Variants in NRXN1 observed in about 807,000 individuals in gnomAD.
The protein encoded by NRXN1 is neurexin-1.
In NRXN1, 39 loss-of-function variants were observed where a neutral mutation model predicts 150.9. That is an observed-to-expected ratio of 0.26 (90% CI 0.20 to 0.34). NRXN1 has a LOEUF of 0.34. Among genes scored for constraint, NRXN1 ranks in the 10% least tolerant of loss-of-function variants. The pLI is 1.00. For missense variants in NRXN1, 1,815 were observed against 1,949.9 expected (o/e 0.93, Z 1.30); for synonymous variants, 924 against 757.0 (o/e 1.22, Z -3.62).
At chr2:50,432,539 C>T (rs1030517334) in intron 17 of NRXN1, among the ~76,000 whole-genome samples, 2 of 152,162 alleles carry the variant, frequency 1.3e-5, no homozygotes, top group African/African-American at 4.8e-5. Flanking sequence ...TAATCTGGTA[C>T]ACCCTACAAC....
chr2:50,207,698 A>G (rs938283167), intron 18 of NRXN1: 1 of 168,598 alleles, frequency 5.9e-6, no homozygotes, highest in Non-Finnish European at 1.5e-5. Context: ...TGATCATTGA[A>G]GAGTCTAAAC....
At chr2:50,736,111 C>T (rs1370816024) in intron 5 of NRXN1, among the ~76,000 whole-genome samples, 4 of 152,100 alleles carry the variant, frequency 2.6e-5, no homozygotes, top group African/African-American at 9.7e-5. Context: ...CACATTTCAA[C>T]CCCCCTGCTT....
intron 21 of NRXN1, among the ~76,000 whole-genome samples, chr2:49,999,807 T>C (rs1032444057): frequency 6.6e-6 from 1 of 152,160 alleles, no homozygotes; most frequent in Non-Finnish European, 1.5e-5. Context: ...TAAAACCTTA[T>C]TTCAAGAAAG....
chr2:50,790,875 C>T (rs1705843182), intron 5 of NRXN1, among the ~76,000 whole-genome samples: 1 of 152,072 alleles, frequency 6.6e-6, no homozygotes. Flanking sequence ...CAACTCATCA[C>T]ATTAGGTCAA....
At chr2:50,850,231 GA>G (rs539460509) in intron 5 of NRXN1, among the ~76,000 whole-genome samples, 1,094 of 72,800 alleles carry the variant, frequency 0.015, 5 homozygotes, top group Middle Eastern at 0.056. Context: ...TGTCTCGACA[GA>G]AAAAAAAAAA....
chr2:50,709,181 A>T (rs1268622339), intron 5 of NRXN1, among the ~76,000 whole-genome samples: 1 of 152,124 alleles, frequency 6.6e-6, no homozygotes, highest in Non-Finnish European at 1.5e-5. Context: ...TGAGCTTGGT[A>T]TTGGTGGATG....
chr2:50,379,412 TA>T (rs2080779929), intron 17 of NRXN1, among the ~76,000 whole-genome samples: 1 of 152,166 alleles, frequency 6.6e-6, no homozygotes, highest in African/African-American at 2.4e-5. Context: ...AGACAAACTC[TA>T]TTGTGTACAA....
At chr2:50,030,102 CTT>C (rs1027420744) in intron 21 of NRXN1, among the ~76,000 whole-genome samples, 2 of 152,054 alleles carry the variant, frequency 1.3e-5, no homozygotes, top group Admixed American at 6.6e-5. Flanking sequence ...AAGAGGGTCT[CTT>C]TGGTTGGAAG....
intron 18 of NRXN1, among the ~76,000 whole-genome samples, chr2:50,232,531 C>T (rs1396439909): frequency 2.6e-5 from 4 of 151,586 alleles, no homozygotes; most frequent in Non-Finnish European, 4.4e-5. Context: ...GGACTACAGG[C>T]ATGTGTCACC....
intron 21 of NRXN1, among the ~76,000 whole-genome samples, chr2:49,954,975 G>T (rs932584411): frequency 6.6e-6 from 1 of 152,090 alleles, no homozygotes. Context: ...AAGCATTTGC[G>T]TGAATAAAAG....
At chr2:50,076,153 T>G (rs1217556508) in intron 19 of NRXN1, among the ~76,000 whole-genome samples, 1 of 152,168 alleles carries the variant, frequency 6.6e-6, no homozygotes, top group Non-Finnish European at 1.5e-5. Context: ...GTGTTTTGCT[T>G]GGAGTGGGTT....
intron 2 of NRXN1, among the ~76,000 whole-genome samples, chr2:51,000,440 A>T (rs1699883192): frequency 6.6e-6 from 1 of 152,118 alleles, no homozygotes; most frequent in Non-Finnish European, 1.5e-5. Flanking sequence ...CTCAGCACCT[A>T]TAACAGTACT....
At chr2:50,549,215 T>C (rs1327347726) in intron 9 of NRXN1, among the ~76,000 whole-genome samples, 2 of 152,276 alleles carry the variant, frequency 1.3e-5, no homozygotes, top group South Asian at 4.1e-4. Context: ...TAAAAGCAAG[T>C]ATAGCCATTC....
At chr2:49,931,046 C>T (rs1192784525) in intron 22 of NRXN1, among the ~76,000 whole-genome samples, 1 of 152,154 alleles carries the variant, frequency 6.6e-6, no homozygotes, top group Non-Finnish European at 1.5e-5. Flanking sequence ...GTGGGAGGAC[C>T]ATTTGAGCCC....
chr2:50,449,372 A>G (rs149192906), intron 17 of NRXN1, among the ~76,000 whole-genome samples: 902 of 152,332 alleles, frequency 5.9e-3, no homozygotes, highest in Non-Finnish European at 9.4e-3. Flanking sequence ...ATTTTTCCAA[A>G]TATCACTTTC....
At chr2:50,789,252 A>C (rs1163261029) in intron 5 of NRXN1, among the ~76,000 whole-genome samples, 2 of 152,168 alleles carry the variant, frequency 1.3e-5, no homozygotes, top group South Asian at 2.1e-4. Context: ...CATATAGGCA[A>C]CAAGAAAAGG....
At chr2:50,941,823 AT>A (rs1200433751) in intron 2 of NRXN1, among the ~76,000 whole-genome samples, 1 of 152,228 alleles carries the variant, frequency 6.6e-6, no homozygotes, top group African/African-American at 2.4e-5. Flanking sequence ...ACAAAAACTC[AT>A]TTTCTGGGGA....
At chr2:50,128,565 G>A (rs756182851) in intron 18 of NRXN1, among the ~76,000 whole-genome samples, 4 of 152,038 alleles carry the variant, frequency 2.6e-5, no homozygotes, top group African/African-American at 7.3e-5. Context: ...AAAATAAAAC[G>A]ATCTCCCAGT....
intron 5 of NRXN1, among the ~76,000 whole-genome samples, chr2:50,739,423 A>G (rs1363333591): frequency 6.6e-6 from 1 of 152,162 alleles, no homozygotes; most frequent in Admixed American, 6.6e-5. Context: ...GAACCACAAA[A>G]AATGTCTATT....
Sources: allele counts gnomAD v4.1 joint callset (sites outside exome capture counted in the v4.1 genomes callset), GRCh38; gene constraint gnomAD v4.1.1; transcripts MANE v1.5; gene names NCBI Gene and HGNC (gene_info 2026-07-23, HGNC 2026-07-21).